The following WWOX variants were observed in gnomAD, a reference collection of about 807,000 sequenced individuals.
WWOX encodes the protein WW domain containing oxidoreductase.
Under a neutral mutation model 46.2 loss-of-function variants are expected in WWOX, and 69 were observed. The observed-to-expected ratio is 1.49, with a 90% confidence interval of 1.23 to 1.82. The LOEUF is 1.82. Among genes scored for constraint, WWOX ranks in the 40% most tolerant of loss-of-function variants. The pLI is 0.00. For synonymous variants in WWOX, 359 were observed against 202.6 expected (o/e 1.77, Z -6.56); for missense variants, 919 against 542.6 (o/e 1.69, Z -6.89).
intron 8 of WWOX, among the ~76,000 whole-genome samples, chr16:78,602,162 G>T (rs763441272): frequency 2.0e-5 from 3 of 152,146 alleles, no homozygotes. Flanking sequence ...GAGCATAGAG[G>T]ACTGTGAGAG....
chr16:79,171,192 T>G (rs2050693145), intron 8 of WWOX, among the ~76,000 whole-genome samples: 1 of 152,164 alleles, frequency 6.6e-6, no homozygotes, highest in Admixed American at 6.5e-5. Flanking sequence ...GACAGATAAT[T>G]ACAACATAGG....
chr16:79,020,944 A>G (rs117836979), intron 8 of WWOX, among the ~76,000 whole-genome samples: 6,394 of 152,212 alleles, frequency 0.042, 208 homozygotes, highest in Non-Finnish European at 0.06. Context: ...TCAGGGAGCT[A>G]AGGGGATTCT....
At chr16:78,429,135 C>A (rs372057962) in intron 7 of WWOX, among the ~76,000 whole-genome samples, 1 of 152,184 alleles carries the variant, frequency 6.6e-6, no homozygotes, top group Non-Finnish European at 1.5e-5. Flanking sequence ...AAGAATCTTA[C>A]AGTCTACTTT....
intron 4 of WWOX, among the ~76,000 whole-genome samples, chr16:78,122,030 G>A (rs2033121136): frequency 1.3e-5 from 2 of 152,188 alleles, no homozygotes; most frequent in Admixed American, 1.3e-4. Flanking sequence ...TTTTGAGAGA[G>A]AGAGAGTGTG....
intron 8 of WWOX, among the ~76,000 whole-genome samples, chr16:78,469,767 C>T (rs1483595202): frequency 6.6e-6 from 1 of 152,126 alleles, no homozygotes; most frequent in Admixed American, 6.5e-5. Context: ...CATATTTTCC[C>T]TGTTTCCCTA....
At chr16:78,469,180 A>C (rs1269155272) in intron 8 of WWOX, among the ~76,000 whole-genome samples, 2 of 152,154 alleles carry the variant, frequency 1.3e-5, no homozygotes, top group African/African-American at 4.8e-5. Context: ...TTGTTATGGA[A>C]ATCGTCAGGG....
At chr16:78,884,082 C>G (rs1271788481) in intron 8 of WWOX, among the ~76,000 whole-genome samples, 1 of 151,806 alleles carries the variant, frequency 6.6e-6, no homozygotes, top group Non-Finnish European at 1.5e-5. Flanking sequence ...AGTTCAAGAC[C>G]AGCTGGGCCA....
chr16:78,194,668 T>G (rs1354707476), intron 5 of WWOX, among the ~76,000 whole-genome samples: 1 of 151,650 alleles, frequency 6.6e-6, no homozygotes, highest in Non-Finnish European at 1.5e-5. Context: ...ATGGCAATAA[T>G]TATCTGGGAC....
intron 8 of WWOX, among the ~76,000 whole-genome samples, chr16:78,925,856 G>A (rs185052078): frequency 1.3e-5 from 2 of 152,136 alleles, no homozygotes; most frequent in African/African-American, 2.4e-5. Context: ...CCAGGATTTG[G>A]TCATTTCTTG....
chr16:78,148,677 C>T (rs1377585599), intron 4 of WWOX, among the ~76,000 whole-genome samples: 1 of 151,784 alleles, frequency 6.6e-6, no homozygotes, highest in South Asian at 2.1e-4. Context: ...GTGGGTAGAT[C>T]ACGAGGTCAG....
At chr16:78,114,647 A>G (rs905913519) in intron 3 of WWOX, among the ~76,000 whole-genome samples, 4 of 151,006 alleles carry the variant, frequency 2.6e-5, no homozygotes, top group Non-Finnish European at 5.9e-5. Flanking sequence ...CAGATCTTAT[A>G]GCTACATTTA....
chr16:78,476,398 T>C (rs2084349270), intron 8 of WWOX, among the ~76,000 whole-genome samples: 2 of 152,050 alleles, frequency 1.3e-5, no homozygotes, highest in South Asian at 2.1e-4. Flanking sequence ...TAGGTGGGAA[T>C]TGAACAATGA....
At chr16:78,336,865 C>T (rs1260135559) in intron 5 of WWOX, among the ~76,000 whole-genome samples, 2 of 151,934 alleles carry the variant, frequency 1.3e-5, no homozygotes, top group African/African-American at 2.4e-5. Context: ...CAATCTCCTC[C>T]GCCTCCCAGT....
At chr16:78,123,428 G>GTTTTTTTTT (rs1330107026) in intron 4 of WWOX, 4 of 61,080 alleles carry the variant, frequency 6.5e-5, no homozygotes, top group East Asian at 5.1e-4. Context: ...TTTTTTCTTT[G>GTTTTTTTTT]TTTTTTGTTT....
intron 8 of WWOX, among the ~76,000 whole-genome samples, chr16:78,547,754 A>C (rs1017486095): frequency 1.3e-5 from 2 of 152,054 alleles, no homozygotes; most frequent in African/African-American, 4.8e-5. Context: ...GGGTCTCTCT[A>C]TCTGGCCTCT....
At chr16:78,953,081 A>G (rs2046095046) in intron 8 of WWOX, among the ~76,000 whole-genome samples, 1 of 151,450 alleles carries the variant, frequency 6.6e-6, no homozygotes, top group Non-Finnish European at 1.5e-5. Flanking sequence ...ATCTGACCAT[A>G]TACCAACCAA....
At chr16:78,426,658 T>A (rs1001352346) in intron 7 of WWOX, among the ~76,000 whole-genome samples, 1 of 152,076 alleles carries the variant, frequency 6.6e-6, no homozygotes, top group African/African-American at 2.4e-5. Context: ...CACATCGTTA[T>A]TTATTATTAC....
intron 8 of WWOX, among the ~76,000 whole-genome samples, chr16:79,060,895 C>G (rs1020232859): frequency 2.6e-5 from 4 of 152,144 alleles, no homozygotes; most frequent in Non-Finnish European, 4.4e-5. Flanking sequence ...ATGGGCCATT[C>G]TAAGAACTTC....
chr16:78,216,148 C>G (rs1043401751), intron 5 of WWOX, among the ~76,000 whole-genome samples: 1 of 152,078 alleles, frequency 6.6e-6, no homozygotes, highest in South Asian at 2.1e-4. Context: ...GTTTCTGATT[C>G]TTGTCAATTA....
Sources: allele counts gnomAD v4.1 joint callset (sites outside exome capture counted in the v4.1 genomes callset), GRCh38; gene constraint gnomAD v4.1.1; transcripts MANE v1.5; gene names NCBI Gene and HGNC (gene_info 2026-07-23, HGNC 2026-07-21).